The following FSTL5 variants were observed in gnomAD, a reference collection of about 807,000 sequenced individuals.
The protein encoded by FSTL5 is follistatin like 5.
A neutral mutation model predicts 89.1 loss-of-function variants in FSTL5; 62 were observed. The ratio of observed to expected loss-of-function variants is 0.70; its 90% confidence interval spans 0.57 to 0.86. FSTL5 has a LOEUF of 0.86. FSTL5 is among the 40% of genes least tolerant of loss of function. FSTL5 has a pLI of 0.00. For missense variants in FSTL5, 1,057 were observed against 1,001.6 expected, an observed-to-expected ratio of 1.06 and a Z score of -0.75; for synonymous variants, 383 against 346.2, an observed-to-expected ratio of 1.11 and a Z score of -1.18.
intron 7 of FSTL5, among the ~76,000 whole-genome samples, chr4:161,618,602 T>A (rs1426027955): frequency 6.6e-6 from 1 of 152,150 alleles, no homozygotes; most frequent in Non-Finnish European, 1.5e-5. Flanking sequence ...TTCTCTTCGG[T>A]TCTGTTTATA....
intron 4 of FSTL5, among the ~76,000 whole-genome samples, chr4:161,784,340 T>C (rs546647875): frequency 6.6e-6 from 1 of 152,294 alleles, no homozygotes; most frequent in South Asian, 2.1e-4. Context: ...TGTGAATTTA[T>C]ATGACTTTTG....
At chr4:161,544,109 CTAAT>C (rs1269548641) in intron 8 of FSTL5, among the ~76,000 whole-genome samples, 1 of 151,238 alleles carries the variant, frequency 6.6e-6, no homozygotes. Flanking sequence ...GTATAAATGG[CTAAT>C]TAAGCATATG....
At chr4:161,507,633 A>G (rs577374973) in intron 11 of FSTL5, among the ~76,000 whole-genome samples, 32 of 151,750 alleles carry the variant, frequency 2.1e-4, no homozygotes, top group African/African-American at 7.5e-4. Context: ...TACTCCTGTA[A>G]AATTTAAAGA....
intron 7 of FSTL5, among the ~76,000 whole-genome samples, chr4:161,587,859 T>A (rs1733670131): frequency 6.6e-6 from 1 of 152,202 alleles, no homozygotes; most frequent in Admixed American, 6.5e-5. Flanking sequence ...ACATATGTGT[T>A]CTAATTTAGT....
chr4:161,385,744 T>C lies in FSTL5; in HGVS notation c.*3A>G, dbSNP rs753977385. The C allele has an allele frequency of 1.3e-6, 2 of 1,562,414 alleles. No homozygotes were observed. The highest frequency in any genetic ancestry group is 8.7e-7 in the Non-Finnish European group (1 of 1,150,446). On this transcript the variant is annotated 3_prime_UTR_variant, in exon 16 of 16. Coordinates refer to ENST00000306100, the MANE Select transcript of FSTL5 (RefSeq NM_020116.5). ...TTCATTCAATAATTGTATCGTAGGGTTTTTAGGCATCTCCAACCCAAATGA... is the reference window on the plus strand; with the variant it reads ...TTCATTCAATAATTGTATCGTAGGGCTTTTAGGCATCTCCAACCCAAATGA...
chr4:161,428,062 G>A (rs534037121), intron 15 of FSTL5, among the ~76,000 whole-genome samples: 4 of 152,190 alleles, frequency 2.6e-5, no homozygotes, highest in Admixed American at 1.3e-4. Context: ...AGAGAGAGTC[G>A]GTGTTCTTGG....
intron 2 of FSTL5, among the ~76,000 whole-genome samples, chr4:162,083,987 C>T (rs907698154): frequency 2.0e-5 from 3 of 151,684 alleles, no homozygotes; most frequent in Non-Finnish European, 4.4e-5. Context: ...ATAATTTAGA[C>T]ATTATCTCAA....
chr4:161,522,747 A>T (rs1184598969), intron 10 of FSTL5, among the ~76,000 whole-genome samples: 2 of 151,756 alleles, frequency 1.3e-5, no homozygotes, highest in African/African-American at 4.8e-5. Context: ...TAATACCTAG[A>T]TACAAGAATA....
intron 4 of FSTL5, among the ~76,000 whole-genome samples, chr4:161,868,352 C>A (rs2126897398): frequency 6.6e-6 from 1 of 152,160 alleles, no homozygotes; most frequent in East Asian, 1.9e-4. Flanking sequence ...CGGTTGTCAC[C>A]TTCCCTTTTA....
chr4:161,786,102 C>G (rs1741895486), intron 4 of FSTL5, among the ~76,000 whole-genome samples: 1 of 151,990 alleles, frequency 6.6e-6, no homozygotes, highest in African/African-American at 2.4e-5. Flanking sequence ...TTGTCTTTAT[C>G]AGATTTAACA....
chr4:161,400,359 A>G (rs547580864), intron 15 of FSTL5, among the ~76,000 whole-genome samples: 1 of 152,200 alleles, frequency 6.6e-6, no homozygotes, highest in African/African-American at 2.4e-5. Context: ...ATAAAATTTC[A>G]GATAGTTCTC....
intron 8 of FSTL5, among the ~76,000 whole-genome samples, chr4:161,578,857 C>G (rs1339470005): frequency 6.6e-6 from 1 of 151,818 alleles, no homozygotes; most frequent in East Asian, 1.9e-4. Flanking sequence ...CAAAAACTGC[C>G]TACTTAGAAT....
chr4:161,712,521 C>G (rs1286868662), intron 6 of FSTL5, among the ~76,000 whole-genome samples: 1 of 152,134 alleles, frequency 6.6e-6, no homozygotes, highest in Non-Finnish European at 1.5e-5. Flanking sequence ...ATGACAAAAT[C>G]AGGTAATCAA....
intron 7 of FSTL5, among the ~76,000 whole-genome samples, chr4:161,591,675 T>C (rs1356966406): frequency 6.6e-6 from 1 of 152,322 alleles, no homozygotes; most frequent in East Asian, 1.9e-4. Context: ...TTGCAATCAG[T>C]AACAGAGAGC....
intron 3 of FSTL5, among the ~76,000 whole-genome samples, chr4:161,965,336 C>T (rs1735292858): frequency 6.6e-6 from 1 of 152,082 alleles, no homozygotes; most frequent in South Asian, 2.1e-4. Context: ...AGCAACCCCA[C>T]TTTGGAAGAA....
chr4:161,645,497 T>C (rs1482370644), intron 7 of FSTL5, among the ~76,000 whole-genome samples: 59 of 152,150 alleles, frequency 3.9e-4, no homozygotes, highest in Non-Finnish European at 4.4e-5. Flanking sequence ...TTTTAAGACT[T>C]GTTTGTGAAG....
intron 6 of FSTL5, among the ~76,000 whole-genome samples, chr4:161,657,736 A>G (rs1260295110): frequency 1.3e-5 from 2 of 152,200 alleles, no homozygotes; most frequent in Non-Finnish European, 2.9e-5. Context: ...TTGCAATGCC[A>G]AACATGGCGT....
intron 13 of FSTL5, among the ~76,000 whole-genome samples, chr4:161,478,862 A>G (rs1729396747): frequency 6.6e-6 from 1 of 152,058 alleles, no homozygotes; most frequent in Non-Finnish European, 1.5e-5. Context: ...CAGCAATAAA[A>G]GAAAGAATTA....
At chr4:161,421,026 C>G (rs1731971946) in intron 15 of FSTL5, among the ~76,000 whole-genome samples, 1 of 151,964 alleles carries the variant, frequency 6.6e-6, no homozygotes, top group African/African-American at 2.4e-5. Context: ...TTATTACAGA[C>G]AGTGTAAATG....
Sources: allele counts gnomAD v4.1 joint callset (sites outside exome capture counted in the v4.1 genomes callset), GRCh38; gene constraint gnomAD v4.1.1; transcripts MANE v1.5; gene names NCBI Gene and HGNC (gene_info 2026-07-23, HGNC 2026-07-21).